Variants in SEMA3A observed in about 807,000 individuals in gnomAD.
SEMA3A encodes semaphorin-3A.
Under a neutral mutation model 97.9 loss-of-function variants are expected in SEMA3A, and 29 were observed. That is an observed-to-expected ratio of 0.30 (90% CI 0.22 to 0.40). The LOEUF (loss-of-function observed/expected upper bound fraction) is 0.40. Among genes scored for constraint, SEMA3A ranks in the 10% least tolerant of loss-of-function variants. The probability of loss-of-function intolerance (pLI) is 1.00; values close to 1 mark genes in which losing one functional copy is unlikely to be tolerated. For synonymous variants in SEMA3A, 321 were observed against 323.7 expected (o/e 0.99, Z 0.09); for missense variants, 763 against 951.3 (o/e 0.80, Z 2.60).
chr7:84,032,139 T>C (rs1791781856), intron 6 of SEMA3A, among the ~76,000 whole-genome samples: 1 of 152,182 alleles, frequency 6.6e-6, no homozygotes, highest in Non-Finnish European at 1.5e-5. Flanking sequence ...GGAGTTCAAG[T>C]GCTCATTAGA....
chr7:84,340,720 G>A (rs1380785374), intron 2 of SEMA3A, among the ~76,000 whole-genome samples: 1 of 149,278 alleles, frequency 6.7e-6, no homozygotes, highest in East Asian at 2.0e-4. Context: ...GCAGAGGTGG[G>A]AGTGAGCCGA....
intron 3 of SEMA3A, among the ~76,000 whole-genome samples, chr7:84,127,472 A>G (rs1399266783): frequency 1.3e-5 from 2 of 151,916 alleles, no homozygotes; most frequent in Non-Finnish European, 2.9e-5. Context: ...TCAATCTCTT[A>G]CCCCCATTAC....
intron 4 of SEMA3A, among the ~76,000 whole-genome samples, chr7:84,099,065 C>CTTTTTTTT (rs754026184): frequency 5.4e-5 from 5 of 92,554 alleles, no homozygotes; most frequent in African/African-American, 1.5e-4. Context: ...ATTACATTTT[C>CTTTTTTTT]TTTTTTTTTC....
At chr7:84,183,773 T>C (rs1015681869) in intron 1 of SEMA3A, among the ~76,000 whole-genome samples, 2 of 152,144 alleles carry the variant, frequency 1.3e-5, no homozygotes, top group Non-Finnish European at 2.9e-5. Context: ...AATAGAGACA[T>C]TCAGCCATGA....
intron 5 of SEMA3A, among the ~76,000 whole-genome samples, chr7:84,052,544 G>T (rs949413984): frequency 1.3e-5 from 2 of 152,004 alleles, no homozygotes; most frequent in Admixed American, 6.6e-5. Context: ...ATTTATGTGG[G>T]ATCGGTGGTG....
At chr7:83,963,442 G>C (rs1455766442) in intron 15 of SEMA3A, 95 bp from the exon 16 acceptor site, 1 of 1,352,362 alleles carries the variant, frequency 7.4e-7, no homozygotes, top group Non-Finnish European at 1.0e-6. Context: ...ACAAGTTATT[G>C]CCAAGTTGGA....
At chr7:84,460,846 G>T (rs1263004687) in intron 1 of SEMA3A, among the ~76,000 whole-genome samples, 2 of 152,114 alleles carry the variant, frequency 1.3e-5, no homozygotes, top group East Asian at 1.9e-4. Flanking sequence ...CTGGGTTCAG[G>T]TGTTATTTTG....
At chr7:84,329,601 C>G (rs1801864032) in intron 2 of SEMA3A, among the ~76,000 whole-genome samples, 1 of 151,896 alleles carries the variant, frequency 6.6e-6, no homozygotes. Flanking sequence ...CTCCCAGAGA[C>G]CTAGAAGAAA....
intron 3 of SEMA3A, among the ~76,000 whole-genome samples, chr7:84,203,077 A>G (rs1798394246): frequency 6.6e-6 from 1 of 152,150 alleles, no homozygotes; most frequent in Non-Finnish European, 1.5e-5. Flanking sequence ...GTATTCCCCT[A>G]AAGCTAATCT....
intron 2 of SEMA3A, among the ~76,000 whole-genome samples, chr7:84,325,130 T>C (rs1350591845): frequency 1.1e-5 from 1 of 87,978 alleles, no homozygotes; most frequent in Admixed American, 1.3e-4. Context: ...TATCTATCTA[T>C]CTATCTATCT....
intron 5 of SEMA3A, among the ~76,000 whole-genome samples, chr7:84,054,448 T>C (rs1164268806): frequency 1.3e-5 from 2 of 151,882 alleles, no homozygotes; most frequent in African/African-American, 2.4e-5. Flanking sequence ...CCCTTCTCGC[T>C]TCATTTCATC....
At chr7:84,028,079 T>C (rs968045044) in intron 6 of SEMA3A, among the ~76,000 whole-genome samples, 2 of 152,176 alleles carry the variant, frequency 1.3e-5, no homozygotes, top group African/African-American at 4.8e-5. Context: ...TACTTTGTCT[T>C]AATAAAAAGA....
chr7:84,298,725 G>A (rs1289493646), intron 3 of SEMA3A, among the ~76,000 whole-genome samples: 1 of 152,172 alleles, frequency 6.6e-6, no homozygotes, highest in African/African-American at 2.4e-5. Flanking sequence ...GGTTAATATT[G>A]AGGGTCAACT....
At chr7:84,039,905 A>C (rs1211114480) in intron 6 of SEMA3A, among the ~76,000 whole-genome samples, 1 of 152,104 alleles carries the variant, frequency 6.6e-6, no homozygotes, top group Non-Finnish European at 1.5e-5. Context: ...AATAAATATG[A>C]GAAAATATAT....
intron 3 of SEMA3A, among the ~76,000 whole-genome samples, chr7:84,279,488 G>A (rs78691507): frequency 0.024 from 3,598 of 152,054 alleles, 138 homozygotes; most frequent in African/African-American, 0.081. Context: ...GTTAAGGAAA[G>A]ACTAAGGAAA....
chr7:84,226,561 T>C (rs1196866846), intron 3 of SEMA3A, among the ~76,000 whole-genome samples: 2 of 152,100 alleles, frequency 1.3e-5, no homozygotes, highest in African/African-American at 4.8e-5. Flanking sequence ...AAATATATTA[T>C]CACTCTTTAA....
chr7:84,489,861 G>A (rs2116451279), intron 1 of SEMA3A, among the ~76,000 whole-genome samples: 1 of 152,102 alleles, frequency 6.6e-6, no homozygotes, highest in East Asian at 1.9e-4. Context: ...AAATTTATTA[G>A]AAAGAGAATA....
rs190007542 is a variant in SEMA3A, at chr7:84,373,469, C to T, written c.-245-1569G>A. Among the ~76,000 whole-genome samples the T allele has an allele frequency of 8.5e-5, 13 of 152,164 alleles. No individual in the cohort carries two copies. The East Asian group carries it at 2.1e-3, about 25-fold the overall frequency. ...AACTTTTTATTATGGACTAAAATAACAGATATTTTCTGAAATAATATGAGA... is the reference window on the plus strand; with the variant it reads ...AACTTTTTATTATGGACTAAAATAATAGATATTTTCTGAAATAATATGAGA... On this transcript the variant is annotated intron_variant, in intron 1 of 3. Coordinates refer to the SEMA3A transcript ENST00000424555.
rs751976702 is a variant in SEMA3A at position 84,079,046 on chromosome 7, TTCTC to T, written c.454-18492_454-18489del. 2.8e-4 allele frequency among the ~76,000 whole-genome samples: 43 copies of T among 152,038 alleles called. 1 individual carries two copies. The highest frequency in any genetic ancestry group is 8.2e-4 in the African/African-American group (34 of 41,366). On this transcript the variant is annotated intron_variant, in intron 4 of 16. Coordinates refer to ENST00000265362, the MANE Select transcript of SEMA3A (RefSeq NM_006080.3). Reference sequence around the variant, plus strand: ...AATACTTGAATTATTTATAAATAATTTCTCTCACTGGTAAAAAATTTTTGTCTAG... The same window carrying T: ...AATACTTGAATTATTTATAAATAATTTCACTGGTAAAAAATTTTTGTCTAG...
Sources: gnomAD v4.1 joint callset for allele counts (sites outside exome capture counted in the v4.1 genomes callset) on GRCh38, gnomAD v4.1.1 for gene constraint, MANE v1.5 for transcripts, NCBI Gene and HGNC (gene_info 2026-07-23, HGNC 2026-07-21) for gene names.